SRPRB: variants seen among roughly 807,000 people sequenced by gnomAD.
The protein encoded by SRPRB is signal recognition particle receptor subunit beta.
SRPRB carries 20 observed loss-of-function variants against 31.9 expected under a neutral mutation model. The ratio of observed to expected loss-of-function variants is 0.63; its 90% CI spans 0.44 to 0.91. SRPRB has a LOEUF of 0.91. Ranked by LOEUF, SRPRB falls within the 40% of genes least tolerant of loss-of-function variation. The pLI, the probability that SRPRB is intolerant of heterozygous loss-of-function variation, is 0.00. For missense variants in SRPRB, 321 were observed against 324.9 expected, an observed-to-expected ratio of 0.99 and a Z score of 0.09; for synonymous variants, 146 against 132.8, an observed-to-expected ratio of 1.10 and a Z score of -0.68.
intron 1 of SRPRB, chr3:133,796,284 G>A (rs1559886966): frequency 6.6e-6 from 1 of 152,470 alleles, no homozygotes; most frequent in East Asian, 1.9e-4. Flanking sequence ...TAGGCCTCAA[G>A]CCAACATGAA....
downstream of SRPRB, chr3:133,826,571 T>C (rs1935566779): frequency 6.6e-6 from 1 of 152,608 alleles, no homozygotes; most frequent in African/African-American, 2.4e-5. Context: ...TCTCTCGAGG[T>C]AAGTAAGCAC....
downstream of SRPRB, chr3:133,828,283 G>C: frequency 2.3e-6 from 1 of 441,858 alleles, no homozygotes; most frequent in Non-Finnish European, 4.0e-6. Flanking sequence ...AGTGGGGCCA[G>C]ATGGCCCCAG....
chr3:133,798,339 G>T (rs958357775), intron 1 of SRPRB, among the ~76,000 whole-genome samples: 4 of 152,156 alleles, frequency 2.6e-5, no homozygotes, highest in Non-Finnish European at 5.9e-5. Context: ...ATCTCTTTCG[G>T]CTGTACTATA....
At chr3:133,827,749 C>A (rs1423134775), downstream of SRPRB, 52 of 20,608 alleles carry the variant, frequency 2.5e-3, no homozygotes, top group South Asian at 0.015. Context: ...AGACAACACC[C>A]CCCCCCCCCC....
intron 1 of SRPRB, chr3:133,792,837 A>T (rs2107955455): frequency 6.6e-6 from 1 of 152,328 alleles, no homozygotes. Context: ...GTGTGTGAAC[A>T]TATTGACTAA....
chr3:133,828,146 A>G (rs181977452), downstream of SRPRB: 230 of 604,428 alleles, frequency 3.8e-4, no homozygotes, highest in Non-Finnish European at 6.2e-4. Flanking sequence ...GAGCCCACAG[A>G]CCTTGGTCTC....
downstream of SRPRB, chr3:133,825,733 T>G (rs1935551216): frequency 6.6e-6 from 1 of 152,200 alleles, no homozygotes; most frequent in South Asian, 2.1e-4. Flanking sequence ...TTGATAAGCT[T>G]TTAAGATTCA....
chr3:133,814,769 G>C (rs1033985415), intron 4 of SRPRB, among the ~76,000 whole-genome samples: 4 of 152,128 alleles, frequency 2.6e-5, no homozygotes, highest in Non-Finnish European at 5.9e-5. Flanking sequence ...AGTTTCCCTG[G>C]GCTGCTGCAC....
chr3:133,824,777 C>T (rs1935530322), downstream of SRPRB: 1 of 152,020 alleles, frequency 6.6e-6, no homozygotes, highest in African/African-American at 2.4e-5. Context: ...AGTGTCCTAA[C>T]CAAAAAGAGT....
downstream of SRPRB, chr3:133,824,988 T>G (rs1407616638): frequency 6.6e-6 from 1 of 152,116 alleles, no homozygotes; most frequent in Admixed American, 6.5e-5. Context: ...ACAGGAAAAG[T>G]TGTGACAGCT....
intron 1 of SRPRB, chr3:133,793,185 A>G (rs555157777): frequency 1.2e-4 from 18 of 152,280 alleles, no homozygotes; most frequent in Non-Finnish European, 2.4e-4. Flanking sequence ...AAAGGAAGGG[A>G]AAGACAAGAG....
downstream of SRPRB, among the ~76,000 whole-genome samples, chr3:133,823,508 T>C (rs142257028): frequency 3.6e-3 from 544 of 152,316 alleles, 3 homozygotes; most frequent in Non-Finnish European, 5.7e-3. Flanking sequence ...TAATCAAAGA[T>C]GGCTTCCTTG....
At chr3:133,792,402 C>A (rs1934863145) in intron 1 of SRPRB, 1 of 152,158 alleles carries the variant, frequency 6.6e-6, no homozygotes, top group South Asian at 2.1e-4. Context: ...ATTAGACCTC[C>A]TAAATGCTTC....
At chr3:133,798,648 T>A (rs1935016341) in intron 1 of SRPRB, among the ~76,000 whole-genome samples, 1 of 152,182 alleles carries the variant, frequency 6.6e-6, no homozygotes, top group African/African-American at 2.4e-5. Context: ...AAAATACTCA[T>A]ATAGCTTTAG....
intron 2 of SRPRB, among the ~76,000 whole-genome samples, 165 bp from the exon 3 acceptor site, chr3:133,807,581 A>G (rs1935185446): frequency 6.6e-6 from 1 of 152,198 alleles, no homozygotes; most frequent in Admixed American, 6.5e-5. Flanking sequence ...ATATGCAATT[A>G]ATTAGATTTT....
chr3:133,799,031 CT>C (rs993282843), intron 1 of SRPRB, among the ~76,000 whole-genome samples: 2 of 151,870 alleles, frequency 1.3e-5, no homozygotes, highest in Non-Finnish European at 2.9e-5. Context: ...AGAACATGCA[CT>C]TTTTTAGATC....
intron 1 of SRPRB, chr3:133,793,433 G>C (rs1466236025): frequency 6.6e-6 from 1 of 151,996 alleles, no homozygotes; most frequent in African/African-American, 2.4e-5. Context: ...GGCCCCTGAA[G>C]CATCCAAAAG....
chr3:133,821,061 A>C lies in SRPRB; in HGVS notation c.*1295A>C, dbSNP rs1935463268. 1 of 152,354 alleles carries C rather than the reference A, an allele frequency of 6.6e-6. No homozygotes were observed. The highest frequency in any genetic ancestry group is 2.4e-5 in the African/African-American group (1 of 41,406). The allele number at this position is 152,354 out of a possible 1,614,324, so 9.4% of individuals were successfully genotyped here. On this transcript the variant is annotated 3_prime_UTR_variant, in exon 7 of 7. Transcript: ENST00000678299. Reference sequence around the variant, plus strand: ...CCACCTGGCCTTGAGGATCAGGGGGAGTCAAAGGATAAAGCATGGGGCTGA... The same window carrying C: ...CCACCTGGCCTTGAGGATCAGGGGGCGTCAAAGGATAAAGCATGGGGCTGA...
At chr3:133,802,525 A>G (rs1470294786), upstream of SRPRB, among the ~76,000 whole-genome samples, 1 of 151,974 alleles carries the variant, frequency 6.6e-6, no homozygotes, top group East Asian at 1.9e-4. Context: ...TTCCATCCCC[A>G]CACTGCCCCA....
Sources: gnomAD v4.1 joint callset for allele counts (sites outside exome capture counted in the v4.1 genomes callset) on GRCh38, gnomAD v4.1.1 for gene constraint, MANE v1.5 for transcripts, NCBI Gene and HGNC (gene_info 2026-07-23, HGNC 2026-07-21) for gene names.